The following CEP135 variants were observed in gnomAD, a reference collection of about 807,000 sequenced individuals.
CEP135 encodes centrosomal protein of 135 kDa.
In CEP135, 142 loss-of-function variants were observed where a neutral mutation model predicts 157.3. The ratio of observed to expected loss-of-function variants is 0.90; its 90% CI spans 0.79 to 1.04. The LOEUF is 1.04. Among genes scored for constraint, CEP135 ranks in the 50% least tolerant of loss-of-function variants. CEP135 has a pLI of 0.00. For synonymous variants in CEP135, 396 were observed against 439.8 expected (o/e 0.90, Z 1.25); for missense variants, 1,317 against 1,309.2 (o/e 1.01, Z -0.09).
rs1480781256 is a variant in CEP135 at position 56,032,894 on chromosome 4, CTTTTTCTAAAACTA to C, written c.*1547_*1560del. ...TGTATACCTGGGGGTGGGCAGTGCT[CTTTTTCTAAAACTA>C]ATATGGCTTATATATCTGAATTATG... On this transcript the variant is annotated 3_prime_UTR_variant, in exon 26 of 26. Coordinates refer to ENST00000257287, the MANE Select transcript of CEP135 (RefSeq NM_025009.5). 8 of 150,672 alleles carry C rather than the reference CTTTTTCTAAAACTA, an allele frequency of 5.3e-5. 1 individual carries two copies. The highest frequency in any genetic ancestry group is 7.4e-5 in the African/African-American group (3 of 40,810). 9.3% of individuals were successfully genotyped at this position (150,672 alleles called of 1,614,324 possible). A position where few individuals can be genotyped will look rare whatever the true frequency, so the allele number is the denominator to read the frequency against.
chr4:55,994,963 G>T (rs1007541362), intron 15 of CEP135, among the ~76,000 whole-genome samples: 1 of 152,162 alleles, frequency 6.6e-6, no homozygotes, highest in African/African-American at 2.4e-5. Context: ...TGGGATTACA[G>T]GTGTGAGCCA....
intron 19 of CEP135, among the ~76,000 whole-genome samples, chr4:56,010,514 G>A (rs1037761281): frequency 3.9e-5 from 6 of 152,174 alleles, no homozygotes; most frequent in South Asian, 2.1e-4. Flanking sequence ...AAAGGTGGGA[G>A]CATGAAATTC....
intron 11 of CEP135, among the ~76,000 whole-genome samples, chr4:55,978,117 T>C (rs981549554): frequency 6.6e-6 from 1 of 152,172 alleles, no homozygotes; most frequent in Non-Finnish European, 1.5e-5. Flanking sequence ...AACAGATATA[T>C]TTAAAGAAGA....
At chr4:55,976,375 G>T (rs1401436505) in intron 11 of CEP135, among the ~76,000 whole-genome samples, 1 of 152,118 alleles carries the variant, frequency 6.6e-6, no homozygotes, top group Non-Finnish European at 1.5e-5. Flanking sequence ...ATAAGTGACT[G>T]AATTGATCAT....
chr4:55,950,695 G>T (rs1399757766), intron 1 of CEP135, among the ~76,000 whole-genome samples: 1 of 150,216 alleles, frequency 6.7e-6, no homozygotes. Context: ...AGATTGATAG[G>T]AATATATTCA....
chr4:55,959,891 G>T (rs947169659), intron 6 of CEP135, 125 bp downstream of exon 6: 1 of 804,134 alleles, frequency 1.2e-6, no homozygotes, highest in Non-Finnish European at 2.1e-6. Flanking sequence ...TTTTCATCAG[G>T]TTTGTTAATA....
intron 5 of CEP135, 47 bp from the exon 6 acceptor site, chr4:55,959,635 T>C: frequency 6.7e-7 from 1 of 1,493,114 alleles, no homozygotes; most frequent in Non-Finnish European, 9.3e-7. Context: ...TCTTATTTTG[T>C]ATTTCTTAAC....
chr4:55,989,710 A>G (rs956901806), intron 14 of CEP135, among the ~76,000 whole-genome samples: 9 of 152,218 alleles, frequency 5.9e-5, no homozygotes, highest in Non-Finnish European at 1.2e-4. Flanking sequence ...TAAACATAAA[A>G]GATATTCTAC....
chr4:55,977,318 G>T (rs1035716242), intron 11 of CEP135, among the ~76,000 whole-genome samples: 5 of 152,028 alleles, frequency 3.3e-5, no homozygotes, highest in Non-Finnish European at 4.4e-5. Flanking sequence ...GTGTAGGGTG[G>T]GTACTATCCT....
chr4:56,004,474 A>G (rs1212064256), intron 17 of CEP135, among the ~76,000 whole-genome samples: 1 of 152,198 alleles, frequency 6.6e-6, no homozygotes, highest in Non-Finnish European at 1.5e-5. Context: ...TTTTATGTCA[A>G]CATGATCTGT....
intron 14 of CEP135, among the ~76,000 whole-genome samples, chr4:55,988,822 G>A (rs1213178830): frequency 6.6e-6 from 1 of 151,444 alleles, no homozygotes; most frequent in Non-Finnish European, 1.5e-5. Context: ...TTAGCCGGGC[G>A]TGGTGGCGGG....
rs115821702 is a variant in CEP135, at chr4:55,961,183, T to G, written c.699+1417T>G. Among the ~76,000 whole-genome samples the G allele has an allele frequency of 2.3e-3, 353 of 151,862 alleles. 1 individual carries two copies. Among genetic ancestry groups the G allele is most frequent in the African/African-American group, 8.2e-3 (340 of 41,412 alleles). Reference sequence around the variant, plus strand: ...GAAGAGATGTTGAAAATATCCAATATGCACATGAGTTTAATATTACTGGCA... The same window carrying G: ...GAAGAGATGTTGAAAATATCCAATAGGCACATGAGTTTAATATTACTGGCA... On this transcript the variant is annotated intron_variant, in intron 6 of 25. Transcript: ENST00000257287.
At chr4:55,993,467 C>T (rs986647420) in intron 15 of CEP135, among the ~76,000 whole-genome samples, 7 of 152,160 alleles carry the variant, frequency 4.6e-5, no homozygotes, top group African/African-American at 1.7e-4. Context: ...TCTTTTGCTT[C>T]TCTGACGATA....
chr4:56,018,814 T>G (rs1730872972), intron 22 of CEP135, among the ~76,000 whole-genome samples: 1 of 152,076 alleles, frequency 6.6e-6, no homozygotes, highest in South Asian at 2.1e-4. Flanking sequence ...GCTTCCGAAG[T>G]AGAATATTTT....
At chr4:56,027,951 C>T (rs1469235649) in intron 25 of CEP135, among the ~76,000 whole-genome samples, 1 of 152,124 alleles carries the variant, frequency 6.6e-6, no homozygotes, top group Non-Finnish European at 1.5e-5. Flanking sequence ...CTTCCCAGCT[C>T]CTAGTAACTT....
chr4:56,028,506 G>T (rs1240870128), intron 25 of CEP135, among the ~76,000 whole-genome samples: 1 of 151,750 alleles, frequency 6.6e-6, no homozygotes, highest in East Asian at 1.9e-4. Context: ...GTATATTAAT[G>T]AGATTGTTAT....
rs548579830 is a variant in CEP135 at position 56,029,193 on chromosome 4, A to T, written c.*12-2167A>T. ...TCTCAAGGCGCGCCACCCTGTAAGC[A>T]TCGCCAAGTGTTCAGCTTTCTGAAA... On this transcript the variant is annotated intron_variant, in intron 25 of 25. Transcript: ENST00000257287. Among the ~76,000 whole-genome samples the T allele has an allele frequency of 4.9e-4, 75 of 152,382 alleles. 1 individual carries two copies. Among genetic ancestry groups the T allele is most frequent in the South Asian group, 6.2e-4 (3 of 4,828 alleles).
chr4:55,965,539 C>T, intron 7 of CEP135, 105 bp from the exon 8 acceptor site: 1 of 753,318 alleles, frequency 1.3e-6, no homozygotes, highest in Admixed American at 3.2e-5. Context: ...TAGTTTTAAT[C>T]TTCAATAATT....
At position 55,974,759 on chromosome 4, in the gene CEP135, T is replaced by G; in HGVS notation, c.1263T>G (p.Thr421=). The part of the protein sequence containing the change: ...ESFAVTERQL[T]LEVERMRLEH... Reference sequence around the variant, plus strand: ...TTTAATTTACAGAACGACAACTTACTCTGGAGGTTGAGAGGATGAGACTAG... The same window carrying G: ...TTTAATTTACAGAACGACAACTTACGCTGGAGGTTGAGAGGATGAGACTAG... Residue 421 remains threonine (T), a synonymous_variant, in exon 11 of 26, where the codon ACT becomes ACG. Transcript: ENST00000257287. 6.2e-7 allele frequency: 1 copy of G among 1,612,330 alleles called. No homozygotes were observed. The highest frequency in any genetic ancestry group is 8.5e-7 in the Non-Finnish European group (1 of 1,179,326).
Sources: allele counts gnomAD v4.1 joint callset (sites outside exome capture counted in the v4.1 genomes callset), GRCh38; gene constraint gnomAD v4.1.1; transcripts MANE v1.5; gene names NCBI Gene and HGNC (gene_info 2026-07-23, HGNC 2026-07-21).